The following FGFR1OP2 variants were observed in gnomAD, a reference collection of about 807,000 sequenced individuals.
The protein encoded by FGFR1OP2 is fibroblast growth factor receptor 1 oncogene partner 2.
FGFR1OP2 carries 17 observed loss-of-function variants against 35.2 expected under a neutral mutation model. The ratio of observed to expected loss-of-function variants is 0.48; its 90% CI spans 0.33 to 0.73. The LOEUF (loss-of-function observed/expected upper bound fraction) is 0.73, where lower values mean the gene tolerates loss of function less well. Ranked by LOEUF, FGFR1OP2 falls within the 30% of genes least tolerant of loss-of-function variation. The pLI is 0.02. For synonymous variants in FGFR1OP2, 105 were observed against 104.6 expected (o/e 1.00, Z -0.03); for missense variants, 251 against 307.3 (o/e 0.82, Z 1.37).
intron 1 of FGFR1OP2, among the ~76,000 whole-genome samples, chr12:26,952,083 C>G (rs1423549546): frequency 7.1e-6 from 1 of 141,196 alleles, no homozygotes; most frequent in South Asian, 2.3e-4. Context: ...AGTCAGTGCC[C>G]GTCCTTTTTT....
intron 1 of FGFR1OP2, among the ~76,000 whole-genome samples, chr12:26,953,098 C>T (rs906750184): frequency 4.1e-4 from 62 of 151,670 alleles, no homozygotes; most frequent in Admixed American, 1.2e-3. Flanking sequence ...CCCGACTCTA[C>T]TAAAAATACA....
At chr12:26,957,969 C>CT (rs1351288269) in intron 4 of FGFR1OP2, 1 of 381,220 alleles carries the variant, frequency 2.6e-6, no homozygotes, top group Admixed American at 4.4e-5. Flanking sequence ...TTCTTAGAAA[C>CT]TTTAATTTGT....
At chr12:26,949,808 G>C (rs1211467989) in intron 1 of FGFR1OP2, among the ~76,000 whole-genome samples, 1 of 152,116 alleles carries the variant, frequency 6.6e-6, no homozygotes, top group Non-Finnish European at 1.5e-5. Flanking sequence ...TCGAACTCCT[G>C]ACCTCAGGTG....
At chr12:26,942,953 G>GT (rs1938760228) in intron 1 of FGFR1OP2, among the ~76,000 whole-genome samples, 1 of 152,006 alleles carries the variant, frequency 6.6e-6, no homozygotes, top group African/African-American at 2.4e-5. Flanking sequence ...TTTTGATGAG[G>GT]TCCAGTTTAT....
chr12:26,963,467 A>AT lies in FGFR1OP2; in HGVS notation c.624+14dup. Reference sequence around the variant, plus strand: ...TATTTCAACTTGAAGTAAGTTTTACATTGCAAATGTAGATGAAAACTGTCC... The same window carrying AT: ...TATTTCAACTTGAAGTAAGTTTTACATTTGCAAATGTAGATGAAAACTGTCC... On this transcript the variant is annotated intron_variant, in intron 6 of 6. Coordinates refer to ENST00000229395, the MANE Select transcript of FGFR1OP2 (RefSeq NM_015633.3). 9 of 1,545,678 alleles carry AT rather than the reference A, an allele frequency of 5.8e-6. No homozygotes were observed. The highest frequency in any genetic ancestry group is 8.0e-6 in the Non-Finnish European group (9 of 1,125,960).
chr12:26,942,225 G>A (rs1419509825), intron 1 of FGFR1OP2, among the ~76,000 whole-genome samples: 1 of 152,162 alleles, frequency 6.6e-6, no homozygotes, highest in Non-Finnish European at 1.5e-5. Flanking sequence ...TACAGACAGG[G>A]TTTCACCATG....
chr12:26,960,503 T>C lies in FGFR1OP2; in HGVS notation c.397-12T>C. On this transcript the variant is annotated splice_polypyrimidine_tract_variant and intron_variant, in intron 4 of 6. Transcript: ENST00000229395. ...ATATCCGTATTAACATTATAATGAC[T>C]CTATACTACAGATTGACATGGTACA... 3 of 1,585,904 alleles carry C rather than the reference T, an allele frequency of 1.9e-6. No homozygotes were observed. The highest frequency in any genetic ancestry group is 4.5e-5 in the East Asian group (2 of 44,620).
intron 2 of FGFR1OP2, among the ~76,000 whole-genome samples, chr12:26,956,195 C>T (rs917748631): frequency 3.3e-5 from 5 of 152,094 alleles, no homozygotes; most frequent in African/African-American, 1.2e-4. Flanking sequence ...TTCACATCCT[C>T]TCCAACAATT....
At chr12:26,944,755 AT>A (rs1337774810) in intron 1 of FGFR1OP2, among the ~76,000 whole-genome samples, 1 of 152,050 alleles carries the variant, frequency 6.6e-6, no homozygotes, top group African/African-American at 2.4e-5. Context: ...CTTTTCTATT[AT>A]TTTTTTAAGA....
At chr12:26,940,283 G>C (rs16931498) in intron 1 of FGFR1OP2, among the ~76,000 whole-genome samples, 2,079 of 152,238 alleles carry the variant, frequency 0.014, 54 homozygotes, top group African/African-American at 0.047. Context: ...AAGGGAACGT[G>C]TAATTTTAAA....
chr12:26,963,314 A>T (rs754852017), intron 5 of FGFR1OP2, 28 bp from the exon 6 acceptor site: 1 of 1,486,870 alleles, frequency 6.7e-7, no homozygotes, highest in South Asian at 1.2e-5. Flanking sequence ...TATTTTGCTG[A>T]TTTCCAACTC....
chr12:26,963,132 G>A, intron 5 of FGFR1OP2: 2 of 405,126 alleles, frequency 4.9e-6, no homozygotes, highest in East Asian at 3.9e-5. Flanking sequence ...GTTATATTGT[G>A]CTGCTTATTC....
At chr12:26,943,353 T>TG (rs941038741) in intron 1 of FGFR1OP2, among the ~76,000 whole-genome samples, 1 of 152,222 alleles carries the variant, frequency 6.6e-6, no homozygotes, top group Non-Finnish European at 1.5e-5. Flanking sequence ...TTTGGTAGTG[T>TG]GAAAAAAACT....
intron 1 of FGFR1OP2, among the ~76,000 whole-genome samples, chr12:26,945,979 A>G (rs1938814877): frequency 6.6e-6 from 1 of 152,066 alleles, no homozygotes; most frequent in Admixed American, 6.5e-5. Context: ...ACTTAAAAAG[A>G]ATGTGTACTC....
At chr12:26,953,268 C>CAAAAA (rs10714749) in intron 1 of FGFR1OP2, among the ~76,000 whole-genome samples, 1 of 78,312 alleles carries the variant, frequency 1.3e-5, no homozygotes, top group Non-Finnish European at 2.4e-5. Context: ...ACTGTGTCTC[C>CAAAAA]AAAAAAAAAA....
chr12:26,957,383 T>C (rs558327588), intron 3 of FGFR1OP2, among the ~76,000 whole-genome samples: 6 of 152,344 alleles, frequency 3.9e-5, no homozygotes, highest in Admixed American at 6.5e-5. Flanking sequence ...AATTGCTGTT[T>C]AGTACATCTT....
At chr12:26,954,390 T>A in intron 2 of FGFR1OP2, 97 bp downstream of exon 2, 1 of 1,408,428 alleles carries the variant, frequency 7.1e-7, no homozygotes, top group Non-Finnish European at 9.5e-7. Context: ...TTCAACATTC[T>A]CTAAAATTTT....
chr12:26,957,468 T>C (rs1939039766), intron 3 of FGFR1OP2, 133 bp from the exon 4 acceptor site: 4 of 728,816 alleles, frequency 5.5e-6, no homozygotes, highest in South Asian at 3.9e-5. Context: ...GTGTCTCTTA[T>C]TGTTATATGG....
chr12:26,941,312 T>C (rs1021259400), intron 1 of FGFR1OP2, among the ~76,000 whole-genome samples: 3 of 152,120 alleles, frequency 2.0e-5, no homozygotes, highest in African/African-American at 7.2e-5. Context: ...CCCACTCCAC[T>C]TCCTGGCCAA....
Sources: gnomAD v4.1 joint callset for allele counts (sites outside exome capture counted in the v4.1 genomes callset) on GRCh38, gnomAD v4.1.1 for gene constraint, MANE v1.5 for transcripts, NCBI Gene and HGNC (gene_info 2026-07-23, HGNC 2026-07-21) for gene names.